Variants in GALNT14 observed in about 807,000 individuals in gnomAD.
GALNT14 encodes the protein UDP-GalNAc:polypeptide N-acetylgalactosaminyltransferase 14.
In GALNT14, 60 loss-of-function variants were observed where a neutral mutation model predicts 77.5. That is an observed-to-expected ratio of 0.77 (90% confidence interval 0.63 to 0.96). The LOEUF (loss-of-function observed/expected upper bound fraction) is 0.96, where lower values mean the gene tolerates loss of function less well. GALNT14 is among the 40% of genes least tolerant of loss of function. The pLI is 0.00. For missense variants in GALNT14, 710 were observed against 731.0 expected (o/e 0.97, Z 0.33); for synonymous variants, 280 against 281.7 (o/e 0.99, Z 0.06).
intron 1 of GALNT14, among the ~76,000 whole-genome samples, chr2:31,039,421 A>G (rs543860025): frequency 2.6e-5 from 4 of 152,350 alleles, no homozygotes; most frequent in Admixed American, 1.3e-4. Flanking sequence ...ACAGATGAGG[A>G]AACTAAATGA....
chr2:30,932,163 G>GC lies in GALNT14; in HGVS notation c.962dup (p.Ser322GlnfsTer24). The GC allele has an allele frequency of 6.5e-7, 1 of 1,547,568 alleles. No homozygotes were observed. The highest frequency in any genetic ancestry group is 8.7e-7 in the Non-Finnish European group (1 of 1,146,966). On this transcript the variant is annotated frameshift_variant, in exon 10 of 15. Transcript: ENST00000349752. LOFTEE classifies it high-confidence loss of function. ...GGCTGCAGGGGACGATCTCTAGGCT[G>GC]CCCCCGCACATCCACACTCGGAAGG...
chr2:30,953,570 A>T (rs959899213), intron 6 of GALNT14, among the ~76,000 whole-genome samples: 2 of 152,158 alleles, frequency 1.3e-5, no homozygotes, highest in Non-Finnish European at 2.9e-5. Flanking sequence ...GGCCTCCCAA[A>T]GTGCTGGGAT....
chr2:30,984,432 C>A (rs537006524), intron 2 of GALNT14, among the ~76,000 whole-genome samples: 11 of 152,234 alleles, frequency 7.2e-5, no homozygotes, highest in African/African-American at 2.6e-4. Context: ...AGGGCATGTC[C>A]CAGTGTTGCT....
At chr2:31,010,524 A>C (rs1670961159) in intron 1 of GALNT14, among the ~76,000 whole-genome samples, 1 of 152,168 alleles carries the variant, frequency 6.6e-6, no homozygotes, top group Admixed American at 6.5e-5. Flanking sequence ...CTGAGGCAGG[A>C]GAATGGCGTG....
intron 1 of GALNT14, among the ~76,000 whole-genome samples, chr2:30,993,385 G>A (rs985961310): frequency 6.6e-6 from 1 of 152,170 alleles, no homozygotes; most frequent in Non-Finnish European, 1.5e-5. Flanking sequence ...GGCAGAACTG[G>A]AACTTCAATT....
intron 1 of GALNT14, among the ~76,000 whole-genome samples, chr2:31,015,157 T>C (rs1179372453): frequency 6.6e-6 from 1 of 152,068 alleles, no homozygotes; most frequent in Admixed American, 6.6e-5. Flanking sequence ...CTGGGCATAG[T>C]GGTGCACTCC....
At chr2:31,028,393 A>G (rs562934992) in intron 1 of GALNT14, among the ~76,000 whole-genome samples, 12 of 152,300 alleles carry the variant, frequency 7.9e-5, no homozygotes, top group Non-Finnish European at 1.3e-4. Context: ...CAGTCCATCC[A>G]GGGCCAGCTC....
intron 2 of GALNT14, among the ~76,000 whole-genome samples, chr2:30,976,545 T>C (rs1031963278): frequency 1.3e-5 from 2 of 152,190 alleles, no homozygotes; most frequent in Middle Eastern, 3.4e-3. Context: ...CTAGGGACAC[T>C]GGCAGGACCT....
At chr2:31,079,640 C>T (rs1008277665) in intron 1 of GALNT14, among the ~76,000 whole-genome samples, 4 of 152,206 alleles carry the variant, frequency 2.6e-5, no homozygotes, top group Admixed American at 1.3e-4. Flanking sequence ...TAAAACCCTA[C>T]GTCTCATGTG....
At chr2:30,983,133 C>T (rs959707850) in intron 2 of GALNT14, among the ~76,000 whole-genome samples, 4 of 152,110 alleles carry the variant, frequency 2.6e-5, no homozygotes, top group Admixed American at 2.6e-4. Context: ...CCTGAGTTCA[C>T]GGGCCAGGGC....
chr2:30,887,263 G>A, the GALNT14 span, among the ~76,000 whole-genome samples: 1 of 151,984 alleles, frequency 6.6e-6, no homozygotes, highest in Admixed American at 6.6e-5. Flanking sequence ...AGGTCAAATG[G>A]TAACTCTATG....
chr2:31,102,575 G>A (rs1162862671), intron 1 of GALNT14, among the ~76,000 whole-genome samples: 5 of 152,212 alleles, frequency 3.3e-5, no homozygotes, highest in African/African-American at 7.2e-5. Context: ...CTAATAGATG[G>A]TCAATATTTG....
intron 3 of GALNT14, 97 bp from the exon 4 acceptor site, chr2:30,958,561 T>A (rs1667502746): frequency 1.1e-6 from 1 of 930,278 alleles, no homozygotes. Flanking sequence ...ATTTAAGGAA[T>A]GAAAAATCAG....
intron 10 of GALNT14, among the ~76,000 whole-genome samples, chr2:30,931,681 T>C (rs1005661113): frequency 2.0e-5 from 3 of 152,082 alleles, no homozygotes; most frequent in African/African-American, 7.2e-5. Flanking sequence ...TCTCCCCTAG[T>C]GACCCAGCCC....
At chr2:30,965,095 G>A (rs72855224) in intron 3 of GALNT14, among the ~76,000 whole-genome samples, 2,794 of 152,170 alleles carry the variant, frequency 0.018, 37 homozygotes, top group East Asian at 0.055. Context: ...GCTCAGCTGC[G>A]GGACGTGGCT....
the GALNT14 span, among the ~76,000 whole-genome samples, chr2:30,904,872 G>GCAGA: frequency 7.2e-5 from 11 of 152,066 alleles, no homozygotes; most frequent in Admixed American, 2.0e-4. Flanking sequence ...CTGAGAACGG[G>GCAGA]CAGACTGCCT....
rs190890573 is a variant in GALNT14 at position 31,000,950 on chromosome 2, A to G, written c.130-7943T>C. On this transcript the variant is annotated intron_variant, in intron 1 of 14. Coordinates refer to ENST00000349752, the MANE Select transcript of GALNT14 (RefSeq NM_024572.4). ...AACTTAAGATATAGTAAGAAACTAT[A>G]TCCCCAATTTTCAAATGAGGAAAGT... Among the ~76,000 whole-genome samples, 510 of 152,356 alleles carry G rather than the reference A, an allele frequency of 3.3e-3. 4 individuals carry two copies. The highest frequency in any genetic ancestry group is 0.012 in the African/African-American group (487 of 41,588).
At chr2:30,909,936 C>G (rs1203497266), downstream of GALNT14, among the ~76,000 whole-genome samples, 1 of 151,668 alleles carries the variant, frequency 6.6e-6, no homozygotes, top group Non-Finnish European at 1.5e-5. Flanking sequence ...TGGAAAACAT[C>G]ATTCTCAGTA....
chr2:31,050,171 G>A (rs1558526148), intron 1 of GALNT14, among the ~76,000 whole-genome samples: 1 of 152,158 alleles, frequency 6.6e-6, no homozygotes, highest in Non-Finnish European at 1.5e-5. Flanking sequence ...CTCCTTAAGT[G>A]GAAATCATTC....
Sources: gnomAD v4.1 joint callset for allele counts (sites outside exome capture counted in the v4.1 genomes callset) on GRCh38, gnomAD v4.1.1 for gene constraint, MANE v1.5 for transcripts, NCBI Gene and HGNC (gene_info 2026-07-23, HGNC 2026-07-21) for gene names.